The following XRRA1 variants were observed in gnomAD, a reference collection of about 807,000 sequenced individuals.
XRRA1 encodes X-ray radiation resistance-associated protein 1.
A neutral mutation model predicts 80.2 loss-of-function variants in XRRA1; 69 were observed. The observed-to-expected ratio is 0.86, with a 90% CI of 0.71 to 1.05. XRRA1 has a LOEUF of 1.05. Ranked by LOEUF, XRRA1 falls within the 50% of genes least tolerant of loss-of-function variation. The pLI, the probability that XRRA1 is intolerant of heterozygous loss-of-function variation, is 0.00. For missense variants in XRRA1, 967 were observed against 976.4 expected, an observed-to-expected ratio of 0.99 and a Z score of 0.13; for synonymous variants, 348 against 389.9, an observed-to-expected ratio of 0.89 and a Z score of 1.27.
At chr11:74,852,835 AG>A (rs1466807134) in intron 12 of XRRA1, among the ~76,000 whole-genome samples, 1 of 152,178 alleles carries the variant, frequency 6.6e-6, no homozygotes, top group Non-Finnish European at 1.5e-5. Context: ...TCAGGATCGA[AG>A]GGGTCAGGAG....
chr11:74,931,835 T>G (rs182532875), intron 5 of XRRA1: 1 of 152,362 alleles, frequency 6.6e-6, no homozygotes, highest in African/African-American at 2.4e-5. Flanking sequence ...GGTAGCACAT[T>G]GTTCTCCAAA....
chr11:74,930,126 C>T (rs916331093), intron 6 of XRRA1, among the ~76,000 whole-genome samples, 174 bp downstream of exon 6: 6 of 152,150 alleles, frequency 3.9e-5, no homozygotes, highest in South Asian at 2.1e-4. Context: ...AAGTAGGTAG[C>T]GCCAGAGCAG....
At chr11:74,948,166 T>C (rs1442496748) in intron 1 of XRRA1, among the ~76,000 whole-genome samples, 3 of 152,222 alleles carry the variant, frequency 2.0e-5, no homozygotes, top group African/African-American at 4.8e-5. Context: ...ATGGGGGATA[T>C]ATAGGAATTA....
chr11:74,844,045 C>T (rs2037264779), intron 17 of XRRA1, 86 bp from the exon 18 acceptor site: 5 of 1,473,130 alleles, frequency 3.4e-6, no homozygotes, highest in Non-Finnish European at 3.8e-6. Flanking sequence ...CAGCAACAGG[C>T]TGGGGGGCAT....
At chr11:74,904,890 G>GAA (rs2054254565) in intron 10 of XRRA1, among the ~76,000 whole-genome samples, 3 of 86,862 alleles carry the variant, frequency 3.5e-5, no homozygotes, top group African/African-American at 4.7e-5. Flanking sequence ...CAACTTCACA[G>GAA]TAAAAAAAAA....
At chr11:74,941,652 G>A (rs1946362394) in intron 2 of XRRA1, among the ~76,000 whole-genome samples, 1 of 152,078 alleles carries the variant, frequency 6.6e-6, no homozygotes, top group South Asian at 2.1e-4. Context: ...TTTCTGAGCT[G>A]GACAGAGCCA....
intron 7 of XRRA1, among the ~76,000 whole-genome samples, chr11:74,922,690 C>G (rs1941202621): frequency 6.6e-6 from 1 of 152,142 alleles, no homozygotes; most frequent in African/African-American, 2.4e-5. Flanking sequence ...ACAGGTTACC[C>G]TCAGAGAAGG....
chr11:74,844,056 C>G, intron 17 of XRRA1, 97 bp from the exon 18 acceptor site: 7 of 1,446,514 alleles, frequency 4.8e-6, no homozygotes, highest in Middle Eastern at 1.8e-4. Flanking sequence ...TGGGGGGCAT[C>G]TGGGGGTGCT....
At chr11:74,925,699 C>CA (rs1380616013) in intron 7 of XRRA1, among the ~76,000 whole-genome samples, 1 of 152,078 alleles carries the variant, frequency 6.6e-6, no homozygotes, top group Non-Finnish European at 1.5e-5. Flanking sequence ...GTAAGGCCTC[C>CA]AAAAAAGTCA....
At chr11:74,869,115 A>G (rs924100121) in intron 10 of XRRA1, among the ~76,000 whole-genome samples, 2 of 152,008 alleles carry the variant, frequency 1.3e-5, no homozygotes, top group African/African-American at 4.8e-5. Flanking sequence ...AATCCTCAGT[A>G]CAATTTTAAA....
intron 15 of XRRA1, chr11:74,846,272 T>C (rs2038135654): frequency 6.6e-6 from 1 of 152,192 alleles, no homozygotes; most frequent in Non-Finnish European, 1.5e-5. Flanking sequence ...TACATATATA[T>C]GACCTATAAC....
chr11:74,845,136 T>C lies in XRRA1; in HGVS notation c.1864A>G (p.Lys622Glu), dbSNP rs774418666. 2 of 1,614,050 alleles carry C rather than the reference T, an allele frequency of 1.2e-6. No homozygotes were observed. Among genetic ancestry groups the C allele is most frequent in the East Asian group, 4.5e-5 (2 of 44,870 alleles). ...AGCAGTTCTTCATAGCCGTGGTACT[T>C]GCTGGGAAGGAAGGCAGTTGGGAGT... Reference protein sequence around the residue: ...RKLPTAFLPSKYHGYEELLTA... With the variant: ...RKLPTAFLPSEYHGYEELLTA... Residue 622 changes from lysine (K) to glutamate (E), a missense_variant, in exon 16 of 19, where the codon AAG (lysine) becomes GAG (glutamate). Transcript: ENST00000684022.
chr11:74,946,397 C>T (rs1947530546), intron 1 of XRRA1, among the ~76,000 whole-genome samples: 1 of 152,170 alleles, frequency 6.6e-6, no homozygotes, highest in Non-Finnish European at 1.5e-5. Context: ...CCATGCTGTC[C>T]TCACCATAGT....
intron 10 of XRRA1, among the ~76,000 whole-genome samples, chr11:74,889,103 C>G (rs2049932850): frequency 6.6e-6 from 1 of 152,104 alleles, no homozygotes; most frequent in Non-Finnish European, 1.5e-5. Context: ...ACATAATTGT[C>G]AGATTCACCA....
intron 9 of XRRA1, chr11:74,906,750 G>A: frequency 2.2e-6 from 1 of 451,282 alleles, no homozygotes; most frequent in Non-Finnish European, 3.9e-6. Context: ...ATTTTCCAGA[G>A]AAGTAAAGCT....
At chr11:74,859,998 G>A (rs900308198) in intron 11 of XRRA1, among the ~76,000 whole-genome samples, 2 of 152,026 alleles carry the variant, frequency 1.3e-5, no homozygotes, top group Non-Finnish European at 2.9e-5. Context: ...GAGTTCGATG[G>A]GACCACAGGA....
chr11:74,844,405 A>G (rs2037433165), intron 16 of XRRA1, 122 bp from the exon 17 acceptor site: 1 of 702,258 alleles, frequency 1.4e-6, no homozygotes, highest in East Asian at 2.5e-5. Flanking sequence ...AGAGTCCCCA[A>G]AAGAAAACAC....
At chr11:74,936,514 C>G (rs1227125628) in intron 4 of XRRA1, among the ~76,000 whole-genome samples, 1 of 152,186 alleles carries the variant, frequency 6.6e-6, no homozygotes, top group African/African-American at 2.4e-5. Flanking sequence ...GAGTTTTTAC[C>G]TCATATAATG....
rs539720843 is a variant in XRRA1, at chr11:74,946,384, C to G, written c.-72-1299G>C. Among the ~76,000 whole-genome samples the G allele has an allele frequency of 3.3e-5, 5 of 152,254 alleles. No individual in the cohort carries two copies. The East Asian group carries it at 9.7e-4, about 29-fold the overall frequency. ...GAAGTGATTGGATCAAGGAGGTGGTCCCCCATGCTGTCCTCACCATAGTGA... is the reference window on the plus strand; with the variant it reads ...GAAGTGATTGGATCAAGGAGGTGGTGCCCCATGCTGTCCTCACCATAGTGA... On this transcript the variant is annotated intron_variant, in intron 1 of 18. Transcript: ENST00000684022.
Sources: gnomAD v4.1 joint callset for allele counts (sites outside exome capture counted in the v4.1 genomes callset) on GRCh38, gnomAD v4.1.1 for gene constraint, MANE v1.5 for transcripts, NCBI Gene and HGNC (gene_info 2026-07-23, HGNC 2026-07-21) for gene names.